The following DLC1 variants were observed in gnomAD, a reference collection of about 807,000 sequenced individuals.
DLC1 encodes the protein rho GTPase-activating protein 7.
Under a neutral mutation model 140.3 loss-of-function variants are expected in DLC1, and 54 were observed. That is an observed-to-expected ratio of 0.38 (90% CI 0.31 to 0.48). DLC1 has a LOEUF of 0.48. DLC1 is among the 20% of genes least tolerant of loss of function. The pLI is 0.96. For synonymous variants in DLC1, 986 were observed against 728.1 expected (o/e 1.35, Z -5.70); for missense variants, 2,536 against 1,907.0 (o/e 1.33, Z -6.14).
intron 2 of DLC1, among the ~76,000 whole-genome samples, chr8:13,468,618 T>C (rs944075750): frequency 6.6e-6 from 1 of 151,738 alleles, no homozygotes; most frequent in Admixed American, 6.6e-5. Flanking sequence ...CAAGCACTCC[T>C]CCCACCTCAG....
Position 13,085,535 on chromosome 8 carries a change from G to A in DLC1, c.*276C>T. 1 of 296,158 alleles carries A rather than the reference G, an allele frequency of 3.4e-6. No individual in the cohort carries two copies. Among genetic ancestry groups the A allele is most frequent in the South Asian group, 7.6e-5 (1 of 13,184 alleles). 18.3% of individuals were successfully genotyped at this position (296,158 alleles called of 1,614,324 possible). A position where few individuals can be genotyped will look rare whatever the true frequency, so the allele number is the denominator to read the frequency against. Reference sequence around the variant, plus strand: ...TTATCTTCCATAATGTATTTAAAGAGTTTTGCTTCTCAGAAGCAATTTGAA... The same window carrying A: ...TTATCTTCCATAATGTATTTAAAGAATTTTGCTTCTCAGAAGCAATTTGAA... On this transcript the variant is annotated 3_prime_UTR_variant, in exon 18 of 18. Coordinates refer to ENST00000276297, the MANE Select transcript of DLC1 (RefSeq NM_182643.3).
At chr8:13,412,404 A>G (rs1264213707) in intron 2 of DLC1, among the ~76,000 whole-genome samples, 2 of 152,138 alleles carry the variant, frequency 1.3e-5, no homozygotes, top group African/African-American at 2.4e-5. Context: ...TTAGATACCT[A>G]TCTTAGAAAA....
intron 1 of DLC1, among the ~76,000 whole-genome samples, chr8:13,504,934 G>A (rs542447052): frequency 3.3e-5 from 5 of 152,014 alleles, no homozygotes; most frequent in African/African-American, 4.8e-5. Flanking sequence ...CAAGTCCAGT[G>A]GTCAATCATT....
chr8:13,083,639 C>A lies in DLC1; in HGVS notation c.*2172G>T, dbSNP rs998469544. 1 of 152,648 alleles carries A rather than the reference C, an allele frequency of 6.6e-6. No homozygotes were observed. Among genetic ancestry groups the A allele is most frequent in the African/African-American group, 2.4e-5 (1 of 41,446 alleles). The allele number at this position is 152,648 out of a possible 1,614,324, so 9.5% of individuals were successfully genotyped here. A position where few individuals can be genotyped will look rare whatever the true frequency, so the allele number is the denominator to read the frequency against. ...TGGTGACCCTGACTCTGCTTGCAAG[C>A]ATCTTTCTGCTGTTGCACGTTGTCG... is the stretch of plus-strand genomic sequence containing the variant. On this transcript the variant is annotated 3_prime_UTR_variant, in exon 18 of 18. Transcript: ENST00000276297.
intron 4 of DLC1, among the ~76,000 whole-genome samples, chr8:13,330,207 C>T (rs898171689): frequency 1.3e-5 from 2 of 152,138 alleles, no homozygotes; most frequent in Non-Finnish European, 2.9e-5. Flanking sequence ...CTTTCTCGGC[C>T]TCCCAAAATG....
chr8:13,300,957 T>C (rs1832168996), intron 5 of DLC1, among the ~76,000 whole-genome samples: 2 of 152,078 alleles, frequency 1.3e-5, no homozygotes, highest in African/African-American at 4.8e-5. Flanking sequence ...ATGGAAGCAG[T>C]GGCCAGAGGA....
chr8:13,295,199 T>A (rs1831900503), intron 5 of DLC1, among the ~76,000 whole-genome samples: 1 of 152,214 alleles, frequency 6.6e-6, no homozygotes, highest in African/African-American at 2.4e-5. Flanking sequence ...TTTCCTTAAA[T>A]CCATAGAAAA....
At chr8:13,225,539 GA>G (rs1828754508) in intron 5 of DLC1, among the ~76,000 whole-genome samples, 1 of 152,070 alleles carries the variant, frequency 6.6e-6, no homozygotes, top group East Asian at 1.9e-4. Flanking sequence ...AAACAGCAGA[GA>G]TATGCTTTTC....
chr8:13,436,836 G>A (rs1284375554), intron 2 of DLC1, among the ~76,000 whole-genome samples: 2 of 151,928 alleles, frequency 1.3e-5, no homozygotes, highest in Non-Finnish European at 2.9e-5. Context: ...TTTGACTACT[G>A]GGTGCTCACA....
chr8:13,178,799 T>C (rs970922619), intron 5 of DLC1, among the ~76,000 whole-genome samples: 5 of 152,042 alleles, frequency 3.3e-5, no homozygotes, highest in Admixed American at 1.3e-4. Context: ...CACCAAGAGT[T>C]GGATGTGGAG....
intron 14 of DLC1, 33 bp downstream of exon 14, chr8:13,091,285 T>C: frequency 6.2e-7 from 1 of 1,608,214 alleles, no homozygotes; most frequent in Non-Finnish European, 8.5e-7. Context: ...CACATTATCC[T>C]TAATAAAGGA....
intron 4 of DLC1, among the ~76,000 whole-genome samples, chr8:13,375,114 G>C (rs1178287608): frequency 6.8e-6 from 1 of 147,750 alleles, no homozygotes; most frequent in Non-Finnish European, 1.5e-5. Context: ...TGCAAGCTCC[G>C]CCTCCCGGCT....
chr8:13,251,170 A>G (rs886933582), intron 5 of DLC1, among the ~76,000 whole-genome samples: 1 of 152,082 alleles, frequency 6.6e-6, no homozygotes, highest in Admixed American at 6.5e-5. Flanking sequence ...TGAGGACACT[A>G]TTCTTATTGG....
chr8:13,437,007 C>T (rs78787617), intron 2 of DLC1, among the ~76,000 whole-genome samples: 1,782 of 152,278 alleles, frequency 0.012, 33 homozygotes, highest in African/African-American at 0.039. Flanking sequence ...TTGATATTGT[C>T]ATGTACCCTA....
At chr8:13,190,909 G>T (rs1826714410) in intron 5 of DLC1, among the ~76,000 whole-genome samples, 1 of 151,974 alleles carries the variant, frequency 6.6e-6, no homozygotes, top group Non-Finnish European at 1.5e-5. Flanking sequence ...TCACCAAAAT[G>T]TTCCCCTAAA....
intron 8 of DLC1, 64 bp downstream of exon 8, chr8:13,102,726 A>G: frequency 7.1e-7 from 1 of 1,399,834 alleles, no homozygotes; most frequent in Non-Finnish European, 1.0e-6. Flanking sequence ...ATTACAAAAC[A>G]CATCATTCAC....
intron 15 of DLC1, 96 bp downstream of exon 15, chr8:13,090,156 T>A: frequency 5.0e-6 from 6 of 1,206,134 alleles, no homozygotes; most frequent in Non-Finnish European, 7.1e-6. Flanking sequence ...GGGCTACAGA[T>A]CCCCAGACAG....
intron 5 of DLC1, among the ~76,000 whole-genome samples, chr8:13,169,904 T>A (rs1825346911): frequency 6.6e-6 from 1 of 151,308 alleles, no homozygotes; most frequent in Non-Finnish European, 1.5e-5. Flanking sequence ...TAGTTCCAGT[T>A]AGCTACTGTG....
At chr8:13,512,039 C>G (rs190430078) in intron 1 of DLC1, among the ~76,000 whole-genome samples, 1 of 152,016 alleles carries the variant, frequency 6.6e-6, no homozygotes, top group Admixed American at 6.5e-5. Flanking sequence ...TTATAATGTC[C>G]TTATGAAGAA....
Sources: allele counts gnomAD v4.1 joint callset (sites outside exome capture counted in the v4.1 genomes callset), GRCh38; gene constraint gnomAD v4.1.1; transcripts MANE v1.5; gene names NCBI Gene and HGNC (gene_info 2026-07-23, HGNC 2026-07-21).